Variants in MCM5 observed in about 807,000 individuals in gnomAD.
MCM5 encodes the protein minichromosome maintenance complex component 5.
A neutral mutation model predicts 79.9 loss-of-function variants in MCM5; 46 were observed. That is an observed-to-expected ratio of 0.58 (90% confidence interval 0.45 to 0.74). The LOEUF is 0.74. Ranked by LOEUF, MCM5 falls within the 30% of genes least tolerant of loss-of-function variation. MCM5 has a pLI of 0.00. For missense variants in MCM5, 883 were observed against 1,017.0 expected, an observed-to-expected ratio of 0.87 and a Z score of 1.79; for synonymous variants, 404 against 390.5, an observed-to-expected ratio of 1.03 and a Z score of -0.41.
At chr22:35,445,553 A>G in the MCM5 span, among the ~76,000 whole-genome samples, 1 of 150,136 alleles carries the variant, frequency 6.7e-6, no homozygotes, top group Non-Finnish European at 1.5e-5. Context: ...TCTGTTGCTC[A>G]GGCTGGAGTG....
At chr22:35,448,905 G>A in the MCM5 span, among the ~76,000 whole-genome samples, 3 of 152,110 alleles carry the variant, frequency 2.0e-5, no homozygotes, top group Non-Finnish European at 2.9e-5. Flanking sequence ...GGTGGCAGAC[G>A]GGCAAGAAGT....
chr22:35,423,346 G>A lies in MCM5; in HGVS notation c.2103+5G>A. The A allele has an allele frequency of 2.5e-6, 4 of 1,594,840 alleles. No homozygotes were observed. Among genetic ancestry groups the A allele is most frequent in the Non-Finnish European group, 3.4e-6 (4 of 1,167,000 alleles). ...ATCAAGGACTTCACCAAGCAGGTGA[G>A]CCTGCCTTGGAGTGGGGGTGTGAGC... On this transcript the variant is annotated splice_donor_5th_base_variant and intron_variant, in intron 16 of 16. Transcript: ENST00000216122.
intron 4 of MCM5, 48 bp from the exon 5 acceptor site, chr22:35,406,505 C>T (rs1203565964): frequency 5.1e-6 from 8 of 1,557,956 alleles, no homozygotes; most frequent in East Asian, 4.5e-5. Flanking sequence ...ATCTCAGATG[C>T]GTCCTGGCTC....
rs1276771538 is a variant in MCM5, at chr22:35,417,801, G to C, written c.1648G>C (p.Val550Leu). 6.2e-7 allele frequency: 1 copy of C among 1,614,106 alleles called. No individual in the cohort carries two copies. Among genetic ancestry groups the C allele is most frequent in the East Asian group, 2.2e-5 (1 of 44,902 alleles). The change falls in exon 13 of 17, where the codon GTG (valine) becomes CTG (leucine). Residue 550 changes from valine to leucine, a missense_variant. Val to Leu is a conservative substitution (Grantham distance 32). Around this residue, in one of 3 missense-constraint regions of MCM5, gnomAD observed 426 missense variants for 482.3 expected, o/e 0.88. Transcript: ENST00000216122. The stretch of plus-strand genomic sequence containing the variant: ...GAGCGCACTGACACAGACACAGGCT[G>C]TGGAGGGCGAGATTGACCTGGCCAA... The part of the protein sequence containing the change: ...HVSALTQTQA[V>L]EGEIDLAKLK...
intron 13 of MCM5, among the ~76,000 whole-genome samples, chr22:35,418,771 A>G (rs1229033227): frequency 2.0e-5 from 3 of 152,168 alleles, no homozygotes; most frequent in Admixed American, 2.0e-4. Context: ...AGTATTTTCT[A>G]TATGAATAAA....
intron 6 of MCM5, among the ~76,000 whole-genome samples, chr22:35,409,264 A>G (rs1601755381): frequency 6.6e-6 from 1 of 152,150 alleles, no homozygotes; most frequent in Admixed American, 6.5e-5. Flanking sequence ...CGCCCAGCGT[A>G]CCCCAGGCTT....
At chr22:35,433,624 CAT>C in the MCM5 span, among the ~76,000 whole-genome samples, 2 of 152,338 alleles carry the variant, frequency 1.3e-5, no homozygotes, top group Non-Finnish European at 2.9e-5. Flanking sequence ...CTTCTGTCCT[CAT>C]ATCCCCACTC....
In MCM5 at chr22:35,403,404, C is replaced by G. The variant is rs371736582; in HGVS notation, c.295-10C>G. ...AGTTACTAATAGCCTGTGCCCTTCC[C>G]TTTCTCCAGCTGGAGGAAGCTGCCA... is the stretch of plus-strand genomic sequence containing the variant. On this transcript the variant is annotated splice_polypyrimidine_tract_variant and intron_variant, in intron 3 of 16. Coordinates refer to ENST00000216122, the MANE Select transcript of MCM5 (RefSeq NM_006739.4). 6.2e-7 allele frequency: 1 copy of G among 1,614,196 alleles called. No individual in the cohort carries two copies. The highest frequency in any genetic ancestry group is 8.5e-7 in the Non-Finnish European group (1 of 1,180,038).
At chr22:35,426,752 C>A (rs989881102), downstream of MCM5, among the ~76,000 whole-genome samples, 1 of 152,196 alleles carries the variant, frequency 6.6e-6, no homozygotes, top group African/African-American at 2.4e-5. Flanking sequence ...GTGGTTTTCC[C>A]TGCCTCACAG....
At chr22:35,438,328 T>TCC in the MCM5 span, among the ~76,000 whole-genome samples, 4 of 135,006 alleles carry the variant, frequency 3.0e-5, no homozygotes, top group East Asian at 2.3e-4. Context: ...TCCGTCCATC[T>TCC]ATCCATCCAT....
chr22:35,417,770 G>T lies in MCM5; in HGVS notation c.1617G>T (p.Leu539=), dbSNP rs1241848888. The change falls in exon 13 of 17, where the codon CTG becomes CTT. Residue 539 remains leucine (L), a synonymous_variant. Transcript: ENST00000216122. ...DVMLAKHVIT[L]HVSALTQTQA... is the part of the protein sequence containing the mutation. ...TGCTGGCCAAGCATGTCATCACTCT[G>T]CACGTGAGCGCACTGACACAGACAC... The T allele has an allele frequency of 1.5e-5, 25 of 1,614,086 alleles. No individual in the cohort carries two copies. Among genetic ancestry groups the T allele is most frequent in the Non-Finnish European group, 2.1e-5 (25 of 1,179,952 alleles).
At chr22:35,408,276 A>G in intron 5 of MCM5, 132 bp from the exon 6 acceptor site, 1 of 749,330 alleles carries the variant, frequency 1.3e-6, no homozygotes, top group Non-Finnish European at 2.2e-6. Flanking sequence ...TGCCTGGCTT[A>G]TCTCCAGCTT....
chr22:35,409,313 C>T (rs924212859), intron 6 of MCM5, among the ~76,000 whole-genome samples: 3 of 152,200 alleles, frequency 2.0e-5, no homozygotes. Context: ...GTGGCTCATG[C>T]CTGTAATCCC....
the MCM5 span, among the ~76,000 whole-genome samples, chr22:35,452,316 C>G: frequency 6.6e-6 from 1 of 152,182 alleles, no homozygotes; most frequent in African/African-American, 2.4e-5. Context: ...TTTTCTCCAC[C>G]CTCTTTATGG....
rs2082505753 is a variant in MCM5, at chr22:35,424,193, A to G, written c.2143A>G (p.Met715Val). Residue 715 changes from methionine to valine, a missense_variant, in exon 17 of 17, where the codon ATG becomes GTG. Met to Val is a conservative substitution (Grantham distance 21, BLOSUM62 1). Around this residue, in one of 3 missense-constraint regions of MCM5, gnomAD observed 426 missense variants for 482.3 expected, o/e 0.88. Coordinates refer to ENST00000216122, the MANE Select transcript of MCM5 (RefSeq NM_006739.4). ...CGCCATCCACAAGGTGCTGCAGCTCATGCTGCGGCGCGGCGAGATCCAGCA... is the reference window on the plus strand; with the variant it reads ...CGCCATCCACAAGGTGCTGCAGCTCGTGCTGCGGCGCGGCGAGATCCAGCA... ...EHAIHKVLQL[M>V]LRRGEIQHRM... 8 of 1,552,714 alleles carry G rather than the reference A, an allele frequency of 5.2e-6. No individual in the cohort carries two copies. The highest frequency in any genetic ancestry group is 7.0e-6 in the Non-Finnish European group (8 of 1,147,432).
At chr22:35,421,727 T>C in intron 15 of MCM5, 1 of 507,254 alleles carries the variant, frequency 2.0e-6, no homozygotes, top group East Asian at 3.7e-5. Flanking sequence ...CCCTTCTCAC[T>C]GGCTAGGAAC....
chr22:35,454,236 G>A, the MCM5 span, among the ~76,000 whole-genome samples: 4 of 151,986 alleles, frequency 2.6e-5, no homozygotes, highest in Admixed American at 6.6e-5. Flanking sequence ...AAGTCTGCAC[G>A]TTCTCTAAGG....
chr22:35,408,660 T>G, intron 6 of MCM5, 97 bp downstream of exon 6: 5 of 1,384,720 alleles, frequency 3.6e-6, no homozygotes, highest in Non-Finnish European at 4.9e-6. Flanking sequence ...TGGAGCAGGG[T>G]GAGTAGGGTG....
the MCM5 span, among the ~76,000 whole-genome samples, chr22:35,437,254 C>T: frequency 1.3e-5 from 2 of 152,218 alleles, no homozygotes; most frequent in African/African-American, 4.8e-5. Context: ...TCAGAATGCC[C>T]CATCCCCTGG....
Sources: gnomAD v4.1 joint callset for allele counts (sites outside exome capture counted in the v4.1 genomes callset) on GRCh38, gnomAD v4.1.1 for gene constraint, gnomAD v4.1.1 regional missense constraint, MANE v1.5 for transcripts, NCBI Gene and HGNC (gene_info 2026-07-23, HGNC 2026-07-21) for gene names.